Variants in ZNF362 observed in about 807,000 individuals in gnomAD.
ZNF362 encodes the protein rotund homolog.
A neutral mutation model predicts 42.9 loss-of-function variants in ZNF362; 11 were observed. The ratio of observed to expected loss-of-function variants is 0.26; its 90% confidence interval spans 0.16 to 0.42. ZNF362 has a LOEUF of 0.42. ZNF362 is among the 20% of genes least tolerant of loss of function. ZNF362 has a pLI of 1.00. For missense variants in ZNF362, 362 were observed against 576.2 expected (o/e 0.63, Z 3.81); for synonymous variants, 255 against 257.3 (o/e 0.99, Z 0.09).
chr1:33,138,743 T>A, the ZNF362 span, among the ~76,000 whole-genome samples: 6 of 152,300 alleles, frequency 3.9e-5, no homozygotes, highest in South Asian at 1.2e-3. Context: ...TTGTGTCTTG[T>A]GTATTTTCCA....
the ZNF362 span, among the ~76,000 whole-genome samples, chr1:33,204,370 C>A: frequency 2.6e-5 from 4 of 152,160 alleles, no homozygotes; most frequent in African/African-American, 9.6e-5. Flanking sequence ...GTTTTGATTA[C>A]CATACCTTTA....
chr1:33,220,199 G>T, the ZNF362 span, among the ~76,000 whole-genome samples: 1 of 152,138 alleles, frequency 6.6e-6, no homozygotes, highest in African/African-American at 2.4e-5. Flanking sequence ...GCAGTGGGGG[G>T]TTTGGGGGCC....
chr1:33,181,180 T>G, the ZNF362 span: 1 of 1,595,424 alleles, frequency 6.3e-7, no homozygotes. This position sits in a 1 kb window ranked among gnomAD's most constrained non-coding sequence, Gnocchi z 6.5. Flanking sequence ...CGGCGCGCGT[T>G]GAGGATGGCG....
At chr1:33,181,452 AG>A in the ZNF362 span, 5 of 1,573,034 alleles carry the variant, frequency 3.2e-6, no homozygotes, top group Non-Finnish European at 1.7e-6. The surrounding 1 kb of genome is among the most constrained non-coding windows in gnomAD (Gnocchi z 6.5). Context: ...GGCAGCAGAG[AG>A]GGGGGCCCGA....
At chr1:33,263,404 C>A (rs1262169931) in intron 1 of ZNF362, among the ~76,000 whole-genome samples, 1 of 151,888 alleles carries the variant, frequency 6.6e-6, no homozygotes, top group Non-Finnish European at 1.5e-5. Flanking sequence ...AAAGATCACA[C>A]AAATGATGAT....
At chr1:33,168,621 G>T in the ZNF362 span, among the ~76,000 whole-genome samples, 1 of 152,204 alleles carries the variant, frequency 6.6e-6, no homozygotes, top group Non-Finnish European at 1.5e-5. Context: ...AGCTACTTCA[G>T]CCAGGGCTCT....
At chr1:33,129,985 G>A in the ZNF362 span, among the ~76,000 whole-genome samples, 1 of 152,036 alleles carries the variant, frequency 6.6e-6, no homozygotes, top group African/African-American at 2.4e-5. The surrounding 1 kb of genome is among the most constrained non-coding windows in gnomAD (Gnocchi z 4.1). Flanking sequence ...TCAGCCTCCC[G>A]AGTAGTTGGG....
At chr1:33,159,756 G>T in the ZNF362 span, 1 of 1,613,458 alleles carries the variant, frequency 6.2e-7, no homozygotes, top group Non-Finnish European at 8.5e-7. The surrounding 1 kb of genome is among the most constrained non-coding windows in gnomAD (Gnocchi z 4.2). Flanking sequence ...GCTCCTGCAG[G>T]ATCTGGGCTC....
the ZNF362 span, among the ~76,000 whole-genome samples, chr1:33,152,229 C>T: frequency 1.3e-5 from 2 of 152,214 alleles, no homozygotes; most frequent in Non-Finnish European, 2.9e-5. Flanking sequence ...GGTCTTTTCA[C>T]ATCATGCTCT....
At chr1:33,181,282 G>A in the ZNF362 span, 2 of 1,549,844 alleles carry the variant, frequency 1.3e-6, no homozygotes, top group Non-Finnish European at 1.7e-6. The surrounding 1 kb of genome is among the most constrained non-coding windows in gnomAD (Gnocchi z 6.5). Flanking sequence ...CGGCACTCGG[G>A]GCAGTCGCGG....
chr1:33,159,263 CATAA>C, the ZNF362 span, among the ~76,000 whole-genome samples: 1 of 151,910 alleles, frequency 6.6e-6, no homozygotes, highest in Non-Finnish European at 1.5e-5. This position sits in a 1 kb window ranked among gnomAD's most constrained non-coding sequence, Gnocchi z 4.2. Flanking sequence ...CCAACATTAT[CATAA>C]ATAAAATAAT....
the ZNF362 span, among the ~76,000 whole-genome samples, chr1:33,179,266 C>G: frequency 1.3e-5 from 2 of 152,234 alleles, no homozygotes. Context: ...CTTGCTCACC[C>G]TCTGATGGGG....
chr1:33,248,661 A>C, the ZNF362 span, among the ~76,000 whole-genome samples: 1 of 152,152 alleles, frequency 6.6e-6, no homozygotes, highest in Non-Finnish European at 1.5e-5. Flanking sequence ...TCCTCCCGGC[A>C]CACCTTTCAT....
chr1:33,209,164 TC>T, the ZNF362 span, among the ~76,000 whole-genome samples: 1 of 152,230 alleles, frequency 6.6e-6, no homozygotes. Flanking sequence ...CTTTTCTGCA[TC>T]TATTGAGATA....
chr1:33,153,534 C>T, the ZNF362 span, among the ~76,000 whole-genome samples: 1 of 152,190 alleles, frequency 6.6e-6, no homozygotes, highest in Non-Finnish European at 1.5e-5. Context: ...AAACATCCTG[C>T]AGAGCACAGA....
the ZNF362 span, among the ~76,000 whole-genome samples, chr1:33,179,076 G>T: frequency 6.6e-6 from 1 of 152,220 alleles, no homozygotes; most frequent in South Asian, 2.1e-4. Flanking sequence ...AACTTCTCCA[G>T]GCCTCACTTT....
the ZNF362 span, among the ~76,000 whole-genome samples, chr1:33,210,406 T>G: frequency 6.6e-6 from 1 of 152,306 alleles, no homozygotes; most frequent in Middle Eastern, 3.4e-3. Context: ...ATTCTGTTGA[T>G]TTGGGGTGAA....
At chr1:33,133,198 A>G in the ZNF362 span, among the ~76,000 whole-genome samples, 3 of 152,362 alleles carry the variant, frequency 2.0e-5, no homozygotes, top group South Asian at 2.1e-4. Context: ...GTAACATTCA[A>G]CAGATCCTGG....
At chr1:33,248,758 C>G in the ZNF362 span, among the ~76,000 whole-genome samples, 37 of 152,316 alleles carry the variant, frequency 2.4e-4, no homozygotes, top group African/African-American at 8.4e-4. Context: ...GGTTATTTTA[C>G]TGAGATTGAA....
Sources: allele counts gnomAD v4.1 joint callset (sites outside exome capture counted in the v4.1 genomes callset), GRCh38; gene constraint gnomAD v4.1.1; non-coding constraint Gnocchi (gnomAD v3.1); transcripts MANE v1.5; gene names NCBI Gene and HGNC (gene_info 2026-07-23, HGNC 2026-07-21).